The following GRIK2 variants were observed in gnomAD, a reference collection of about 807,000 sequenced individuals.
The protein encoded by GRIK2 is glutamate ionotropic receptor kainate type subunit 2.
Under a neutral mutation model 100.3 loss-of-function variants are expected in GRIK2, and 32 were observed. The ratio of observed to expected loss-of-function variants is 0.32; its 90% confidence interval spans 0.24 to 0.43. The LOEUF (loss-of-function observed/expected upper bound fraction) is 0.43, where lower values mean the gene tolerates loss of function less well. Ranked by LOEUF, GRIK2 falls within the 20% of genes least tolerant of loss-of-function variation. GRIK2 has a pLI of 1.00. For synonymous variants in GRIK2, 417 were observed against 389.4 expected, an observed-to-expected ratio of 1.07 and a Z score of -0.83; for missense variants, 843 against 1,114.9, an observed-to-expected ratio of 0.76 and a Z score of 3.47.
At chr6:101,585,402 ATCATTCAG>A (rs1778311712) in intron 2 of GRIK2, among the ~76,000 whole-genome samples, 1 of 152,220 alleles carries the variant, frequency 6.6e-6, no homozygotes, top group South Asian at 2.1e-4. Flanking sequence ...TCTTTATTCA[ATCATTCAG>A]TCATTCAACA....
intron 12 of GRIK2, among the ~76,000 whole-genome samples, chr6:101,897,189 A>T (rs1005571879): frequency 6.6e-6 from 1 of 151,842 alleles, no homozygotes; most frequent in African/African-American, 2.4e-5. Context: ...AGCTAATAGG[A>T]CAAGAATAAT....
chr6:101,826,693 A>G (rs545269383), intron 10 of GRIK2, among the ~76,000 whole-genome samples: 32 of 152,162 alleles, frequency 2.1e-4, no homozygotes, highest in African/African-American at 6.7e-4. Flanking sequence ...TCCCTTGTAA[A>G]TTAAACTACC....
chr6:101,952,689 G>A (rs1428893294), intron 14 of GRIK2, among the ~76,000 whole-genome samples: 1 of 150,944 alleles, frequency 6.6e-6, no homozygotes. Flanking sequence ...TGCAAGCTCC[G>A]CCTCCTGGGT....
At chr6:101,944,433 A>T (rs1162675458) in intron 14 of GRIK2, among the ~76,000 whole-genome samples, 1 of 152,160 alleles carries the variant, frequency 6.6e-6, no homozygotes, top group African/African-American at 2.4e-5. Context: ...GCTATGACTC[A>T]TTGCCAGTTT....
intron 2 of GRIK2, among the ~76,000 whole-genome samples, chr6:101,579,988 T>C (rs977524210): frequency 1.3e-5 from 2 of 152,108 alleles, no homozygotes; most frequent in African/African-American, 4.8e-5. Context: ...CCTTTGGGAG[T>C]CTTCCTTAAT....
At chr6:101,826,430 G>C (rs557306476) in intron 10 of GRIK2, among the ~76,000 whole-genome samples, 1 of 152,154 alleles carries the variant, frequency 6.6e-6, no homozygotes, top group Admixed American at 6.5e-5. Context: ...CTGCCACAGC[G>C]TGTGATGGGG....
At chr6:101,752,628 A>G (rs1776864222) in intron 7 of GRIK2, among the ~76,000 whole-genome samples, 1 of 152,204 alleles carries the variant, frequency 6.6e-6, no homozygotes, top group African/African-American at 2.4e-5. Flanking sequence ...CCTTTCCCTG[A>G]CAGTGAAAAA....
chr6:101,626,916 A>T (rs1780466440), intron 4 of GRIK2, among the ~76,000 whole-genome samples: 1 of 152,078 alleles, frequency 6.6e-6, no homozygotes, highest in African/African-American at 2.4e-5. Context: ...TAGATGTAGT[A>T]AACAATATTA....
intron 14 of GRIK2, among the ~76,000 whole-genome samples, chr6:102,022,143 T>C (rs898464385): frequency 3.0e-5 from 4 of 133,148 alleles, no homozygotes; most frequent in African/African-American, 7.7e-5. Context: ...AACACACACA[T>C]ACACACACAC....
chr6:101,661,876 T>TCTCTGGGAGC (rs1274899028), intron 4 of GRIK2, among the ~76,000 whole-genome samples: 2 of 152,176 alleles, frequency 1.3e-5, no homozygotes, highest in African/African-American at 4.8e-5. Context: ...TGCATTGATC[T>TCTCTGGGAGC]CTCTGGGAGC....
intron 11 of GRIK2, chr6:101,861,004 A>AT (rs1330318398): frequency 2.0e-6 from 1 of 508,068 alleles, no homozygotes; most frequent in African/African-American, 2.1e-5. Context: ...GTAGGGCTCC[A>AT]TAAAATAGTG....
chr6:101,587,088 T>G (rs150867159), intron 2 of GRIK2, among the ~76,000 whole-genome samples: 430 of 152,008 alleles, frequency 2.8e-3, no homozygotes, highest in Middle Eastern at 6.8e-3. Flanking sequence ...GATTGATATG[T>G]ATAAAAACTA....
intron 2 of GRIK2, among the ~76,000 whole-genome samples, chr6:101,610,480 A>C (rs763662291): frequency 6.6e-6 from 1 of 151,820 alleles, no homozygotes; most frequent in Non-Finnish European, 1.5e-5. Flanking sequence ...ATTGAATTTC[A>C]TAATATTTTG....
At chr6:101,848,849 TTGA>T (rs1443857401) in intron 10 of GRIK2, among the ~76,000 whole-genome samples, 2 of 152,100 alleles carry the variant, frequency 1.3e-5, no homozygotes, top group African/African-American at 4.8e-5. Context: ...GAGTAATGAG[TTGA>T]TAACATTTTT....
intron 7 of GRIK2, among the ~76,000 whole-genome samples, chr6:101,747,957 T>C (rs1776528480): frequency 6.6e-6 from 1 of 152,100 alleles, no homozygotes; most frequent in Admixed American, 6.6e-5. Flanking sequence ...GCAGGAGGAT[T>C]TCAAATAGTG....
chr6:101,952,592 A>G (rs1437483067), intron 14 of GRIK2, among the ~76,000 whole-genome samples: 1 of 151,862 alleles, frequency 6.6e-6, no homozygotes, highest in Non-Finnish European at 1.5e-5. Context: ...TCAGAACTGC[A>G]TAATCACCAC....
At chr6:101,609,904 G>C (rs9498646) in intron 2 of GRIK2, among the ~76,000 whole-genome samples, 52,002 of 151,268 alleles carry the variant, frequency 0.34, 9,194 homozygotes, top group African/African-American at 0.43. Context: ...AGAGAAGTAG[G>C]CTTCTTGAAG....
intron 2 of GRIK2, among the ~76,000 whole-genome samples, chr6:101,609,038 G>T (rs577742002): frequency 2.0e-5 from 3 of 151,618 alleles, no homozygotes; most frequent in African/African-American, 4.8e-5. Context: ...GGTTTTTAAA[G>T]CTTTCCTCAG....
intron 2 of GRIK2, among the ~76,000 whole-genome samples, chr6:101,496,677 C>A (rs1243009832): frequency 6.6e-6 from 1 of 152,106 alleles, no homozygotes; most frequent in Non-Finnish European, 1.5e-5. Context: ...AACTTTCAAA[C>A]AAATCATGGA....
Sources: allele counts gnomAD v4.1 joint callset (sites outside exome capture counted in the v4.1 genomes callset), GRCh38; gene constraint gnomAD v4.1.1; transcripts MANE v1.5; gene names NCBI Gene and HGNC (gene_info 2026-07-23, HGNC 2026-07-21).